The following CNTNAP2 variants were observed in gnomAD, a reference collection of about 807,000 sequenced individuals.
The protein encoded by CNTNAP2 is contactin-associated protein-like 2.
A neutral mutation model predicts 155.2 loss-of-function variants in CNTNAP2; 98 were observed. The observed-to-expected ratio is 0.63, with a 90% confidence interval of 0.54 to 0.75. The LOEUF is 0.75. Among genes scored for constraint, CNTNAP2 ranks in the 30% least tolerant of loss-of-function variants. The pLI, the probability that CNTNAP2 is intolerant of heterozygous loss-of-function variation, is 0.00. For missense variants in CNTNAP2, 1,727 were observed against 1,688.1 expected, an observed-to-expected ratio of 1.02 and a Z score of -0.40; for synonymous variants, 651 against 631.2, an observed-to-expected ratio of 1.03 and a Z score of -0.47.
At chr7:147,306,391 GGT>G (rs1411136068) in intron 9 of CNTNAP2, among the ~76,000 whole-genome samples, 2 of 152,060 alleles carry the variant, frequency 1.3e-5, no homozygotes, top group African/African-American at 4.8e-5. Context: ...AAAATGTGCT[GGT>G]CATAAGAATT....
At chr7:148,106,566 G>T (rs966150542) in intron 15 of CNTNAP2, among the ~76,000 whole-genome samples, 2 of 142,430 alleles carry the variant, frequency 1.4e-5, no homozygotes, top group African/African-American at 2.7e-5. Context: ...TCACTATGTC[G>T]CCCAGGCTGG....
intron 1 of CNTNAP2, among the ~76,000 whole-genome samples, chr7:146,516,584 C>A (rs890465408): frequency 2.0e-5 from 3 of 151,904 alleles, no homozygotes; most frequent in African/African-American, 7.2e-5. Flanking sequence ...AGTATAAGTT[C>A]ATCTCCTTAT....
At chr7:146,191,697 AG>A (rs1387665323) in intron 1 of CNTNAP2, among the ~76,000 whole-genome samples, 7 of 152,130 alleles carry the variant, frequency 4.6e-5, no homozygotes, top group African/African-American at 1.7e-4. Context: ...TTCCTTGCTG[AG>A]AAAAAGAATT....
chr7:146,502,948 ATAAG>A (rs1797328509), intron 1 of CNTNAP2, among the ~76,000 whole-genome samples: 1 of 152,134 alleles, frequency 6.6e-6, no homozygotes, highest in African/African-American at 2.4e-5. Context: ...TTCTTTGATG[ATAAG>A]TGAGGTTGAG....
At chr7:146,297,841 T>C (rs1800538624) in intron 1 of CNTNAP2, among the ~76,000 whole-genome samples, 1 of 152,164 alleles carries the variant, frequency 6.6e-6, no homozygotes, top group Non-Finnish European at 1.5e-5. Flanking sequence ...TGTTGAATGC[T>C]ACAAACACAC....
chr7:147,841,821 A>G (rs1280225469), intron 13 of CNTNAP2, among the ~76,000 whole-genome samples: 1 of 152,202 alleles, frequency 6.6e-6, no homozygotes, highest in Non-Finnish European at 1.5e-5. Flanking sequence ...ATGTATTTTT[A>G]AATATTTGGC....
In CNTNAP2 at chr7:146,469,352, AG is replaced by A. The variant is rs1796760155; in HGVS notation, c.98-304918del. On this transcript the variant is annotated intron_variant, in intron 1 of 23. Transcript: ENST00000361727. ...GGTCCCAGAGACTGCTCCCCAAAGA[AG>A]ATACCCTGAGAAAATGTTGGAAGCA... Among the ~76,000 whole-genome samples the A allele has an allele frequency of 3.3e-5, 5 of 152,012 alleles. No homozygotes were observed. The South Asian group carries it at 1.0e-3, about 32-fold the overall frequency.
At chr7:147,989,439 C>T (rs1301135081) in intron 15 of CNTNAP2, among the ~76,000 whole-genome samples, 1 of 152,148 alleles carries the variant, frequency 6.6e-6, no homozygotes, top group East Asian at 1.9e-4. Context: ...CCTGATTGTC[C>T]CCAGTCCTTG....
chr7:147,758,570 A>G (rs1231823013), intron 13 of CNTNAP2, among the ~76,000 whole-genome samples: 2 of 152,154 alleles, frequency 1.3e-5, no homozygotes, highest in East Asian at 3.9e-4. Flanking sequence ...ATGACTGGAC[A>G]TGGTGGCTCA....
chr7:148,001,956 A>T (rs753176098), intron 15 of CNTNAP2, among the ~76,000 whole-genome samples: 1 of 152,180 alleles, frequency 6.6e-6, no homozygotes, highest in East Asian at 1.9e-4. Context: ...CAAATGGATG[A>T]TATCTTCTAT....
At chr7:146,708,156 A>G (rs1800998670) in intron 1 of CNTNAP2, among the ~76,000 whole-genome samples, 1 of 152,170 alleles carries the variant, frequency 6.6e-6, no homozygotes, top group Non-Finnish European at 1.5e-5. Flanking sequence ...CTTACCTAAG[A>G]ACTTATTACT....
intron 2 of CNTNAP2, among the ~76,000 whole-genome samples, chr7:146,799,691 A>G (rs1403920528): frequency 6.6e-6 from 1 of 152,202 alleles, no homozygotes; most frequent in Non-Finnish European, 1.5e-5. Context: ...ACACAAAATT[A>G]CCATAGTGGT....
At chr7:146,144,522 T>A (rs73160680) in intron 1 of CNTNAP2, among the ~76,000 whole-genome samples, 8,284 of 152,216 alleles carry the variant, frequency 0.054, 256 homozygotes, top group Middle Eastern at 0.11. Flanking sequence ...TTCCTTCCTG[T>A]TCCCAGGCTA....
At chr7:147,755,158 T>G (rs1231458187) in intron 13 of CNTNAP2, among the ~76,000 whole-genome samples, 1 of 152,170 alleles carries the variant, frequency 6.6e-6, no homozygotes, top group Non-Finnish European at 1.5e-5. Flanking sequence ...ACTTGGATGG[T>G]GACAGCTTAA....
intron 1 of CNTNAP2, among the ~76,000 whole-genome samples, chr7:146,390,367 A>G (rs1795522616): frequency 6.6e-6 from 1 of 151,990 alleles, no homozygotes; most frequent in Non-Finnish European, 1.5e-5. Context: ...CACTAATGGA[A>G]CATATGGACA....
At chr7:148,233,160 G>A (rs1795990972) in intron 20 of CNTNAP2, among the ~76,000 whole-genome samples, 1 of 152,222 alleles carries the variant, frequency 6.6e-6, no homozygotes, top group Non-Finnish European at 1.5e-5. Context: ...GAAAAATTAT[G>A]TCAATTAGCA....
intron 21 of CNTNAP2, among the ~76,000 whole-genome samples, chr7:148,282,719 T>C (rs372437266): frequency 1.3e-5 from 2 of 152,158 alleles, no homozygotes; most frequent in African/African-American, 4.8e-5. Context: ...TTTCCAAAAT[T>C]AAATTATTTT....
At chr7:147,932,230 T>C (rs1019604352) in intron 14 of CNTNAP2, among the ~76,000 whole-genome samples, 1 of 152,316 alleles carries the variant, frequency 6.6e-6, no homozygotes, top group African/African-American at 2.4e-5. Flanking sequence ...AAAACTCATA[T>C]GGAAACACAA....
intron 13 of CNTNAP2, among the ~76,000 whole-genome samples, chr7:147,744,724 G>C (rs2373183): frequency 0.18 from 27,569 of 152,088 alleles, 2,963 homozygotes; most frequent in Middle Eastern, 0.38. Flanking sequence ...CTGCCTTCTT[G>C]TTGTATCCTC....
Sources: allele counts gnomAD v4.1 joint callset (sites outside exome capture counted in the v4.1 genomes callset), GRCh38; gene constraint gnomAD v4.1.1; transcripts MANE v1.5; gene names NCBI Gene and HGNC (gene_info 2026-07-23, HGNC 2026-07-21).